TMEM132C: variants seen among roughly 807,000 people sequenced by gnomAD.
TMEM132C encodes the protein transmembrane protein 132C.
TMEM132C carries 29 observed loss-of-function variants against 61.4 expected under a neutral mutation model. The ratio of observed to expected loss-of-function variants is 0.47; its 90% CI spans 0.35 to 0.64. The LOEUF (loss-of-function observed/expected upper bound fraction) is 0.64. Ranked by LOEUF, TMEM132C falls within the 30% of genes least tolerant of loss-of-function variation. The pLI is 0.00. For synonymous variants in TMEM132C, 656 were observed against 633.1 expected (o/e 1.04, Z -0.54); for missense variants, 1,408 against 1,476.9 (o/e 0.95, Z 0.76).
chr12:128,478,294 AT>A (rs975663121), intron 2 of TMEM132C, among the ~76,000 whole-genome samples: 5 of 152,058 alleles, frequency 3.3e-5, no homozygotes, highest in African/African-American at 1.2e-4. Context: ...TTGTTTTTTT[AT>A]TTTTTTATTT....
chr12:128,649,332 G>T (rs1954243924), intron 4 of TMEM132C, among the ~76,000 whole-genome samples: 3 of 152,354 alleles, frequency 2.0e-5, no homozygotes, highest in Admixed American at 2.0e-4. Context: ...AGGGAGGGAG[G>T]AAGCAGAGAG....
chr12:128,489,412 G>A (rs1871628944), intron 2 of TMEM132C, among the ~76,000 whole-genome samples: 1 of 151,724 alleles, frequency 6.6e-6, no homozygotes, highest in South Asian at 2.1e-4. Flanking sequence ...AGCTGCTGTA[G>A]CACAGAGCGT....
intron 3 of TMEM132C, among the ~76,000 whole-genome samples, chr12:128,567,673 C>G (rs1469806377): frequency 1.3e-5 from 2 of 152,054 alleles, no homozygotes; most frequent in African/African-American, 2.4e-5. Flanking sequence ...TCTTTCTGCT[C>G]TCCTCCACTG....
intron 2 of TMEM132C, among the ~76,000 whole-genome samples, chr12:128,508,833 G>A (rs550826036): frequency 4.6e-5 from 7 of 152,194 alleles, no homozygotes; most frequent in Non-Finnish European, 1.0e-4. Flanking sequence ...TGGCATGAGG[G>A]TCATCATATC....
intron 2 of TMEM132C, among the ~76,000 whole-genome samples, chr12:128,429,454 G>C (rs61940008): frequency 0.16 from 23,678 of 152,166 alleles, 1,931 homozygotes; most frequent in Middle Eastern, 0.18. Context: ...GTGCTTCTCT[G>C]TGGATCACGA....
rs751359860 is a variant in TMEM132C, at chr12:128,616,140, T to C, written c.1122-12T>C. 6.5e-7 allele frequency: 1 copy of C among 1,548,996 alleles called. No individual in the cohort carries two copies. Reference sequence around the variant, plus strand: ...AAGTTGGCTTAAAGCCAGTTTCTTTTCTCTCTTCCAGGAGCAGCAGTTTAT... The same window carrying C: ...AAGTTGGCTTAAAGCCAGTTTCTTTCCTCTCTTCCAGGAGCAGCAGTTTAT... On this transcript the variant is annotated splice_polypyrimidine_tract_variant and intron_variant, in intron 3 of 8. Coordinates refer to ENST00000435159, the MANE Select transcript of TMEM132C (RefSeq NM_001136103.3).
chr12:128,573,399 CA>C (rs1369996780), intron 3 of TMEM132C, among the ~76,000 whole-genome samples: 1 of 150,996 alleles, frequency 6.6e-6, no homozygotes, highest in Non-Finnish European at 1.5e-5. Flanking sequence ...GGGAATTGAA[CA>C]ATGAGAACAC....
At chr12:128,346,505 A>G (rs1593019422) in intron 1 of TMEM132C, among the ~76,000 whole-genome samples, 1 of 152,350 alleles carries the variant, frequency 6.6e-6, no homozygotes, top group African/African-American at 2.4e-5. Flanking sequence ...CAGTATGGCC[A>G]TTTTAACAAT....
In TMEM132C at chr12:128,680,858, T is replaced by C. The variant is rs144068578; in HGVS notation, c.1449+11298T>C. 5.4e-3 allele frequency among the ~76,000 whole-genome samples: 819 copies of C among 152,342 alleles called. 5 individuals carry two copies. Among genetic ancestry groups the C allele is most frequent in the Non-Finnish European group, 8.4e-3 (573 of 68,034 alleles). ...TGAGTCAGATTTTACTTGAGCCAAA[T>C]AGGGCTCCATGTGAGTGCACTTAAA... is the stretch of plus-strand genomic sequence containing the variant. On this transcript the variant is annotated intron_variant, in intron 5 of 8. Transcript: ENST00000435159.
intron 4 of TMEM132C, among the ~76,000 whole-genome samples, chr12:128,622,360 A>AAAAAAAAATATATATATATATAT (rs1277080166): frequency 3.3e-5 from 1 of 30,116 alleles, no homozygotes; most frequent in African/African-American, 1.7e-4. Context: ...AAAAAAAAAA[A>AAAAAAAAATATATATATATATAT]ATATATATAT....
At chr12:128,654,951 C>G (rs942788081) in intron 4 of TMEM132C, among the ~76,000 whole-genome samples, 3 of 152,168 alleles carry the variant, frequency 2.0e-5, no homozygotes, top group Admixed American at 6.5e-5. Flanking sequence ...CTCCTCTGTC[C>G]CCTGCCCTGC....
chr12:128,593,672 G>A (rs1875840942), intron 3 of TMEM132C, among the ~76,000 whole-genome samples: 1 of 152,174 alleles, frequency 6.6e-6, no homozygotes, highest in South Asian at 2.1e-4. Context: ...GTGAGCTGAG[G>A]CACATTCGAC....
At chr12:128,577,228 G>T (rs1875144487) in intron 3 of TMEM132C, among the ~76,000 whole-genome samples, 1 of 152,122 alleles carries the variant, frequency 6.6e-6, no homozygotes, top group Non-Finnish European at 1.5e-5. Context: ...TGTTTTCATG[G>T]TTTATTCATA....
At chr12:128,359,297 G>A (rs1294122545) in intron 1 of TMEM132C, among the ~76,000 whole-genome samples, 1 of 152,198 alleles carries the variant, frequency 6.6e-6, no homozygotes, top group East Asian at 1.9e-4. Context: ...GAAGAGCAAG[G>A]GACGTCTTAC....
At chr12:128,282,629 A>T (rs1275931801) in intron 1 of TMEM132C, among the ~76,000 whole-genome samples, 1 of 152,178 alleles carries the variant, frequency 6.6e-6, no homozygotes, top group Admixed American at 6.5e-5. Context: ...TTGGGTGGGG[A>T]CACAGAGCCA....
At chr12:128,400,381 G>A (rs955190495) in intron 1 of TMEM132C, among the ~76,000 whole-genome samples, 15 of 152,300 alleles carry the variant, frequency 9.8e-5, no homozygotes, top group African/African-American at 3.4e-4. Context: ...GCTTAAGAGT[G>A]AGGGACCTTC....
intron 1 of TMEM132C, among the ~76,000 whole-genome samples, chr12:128,411,534 G>C (rs1868547784): frequency 6.6e-6 from 1 of 151,984 alleles, no homozygotes; most frequent in Non-Finnish European, 1.5e-5. Context: ...TGCATCCTTT[G>C]GACATATTCT....
chr12:128,620,780 A>G (rs1953956767), intron 4 of TMEM132C, among the ~76,000 whole-genome samples: 1 of 151,912 alleles, frequency 6.6e-6, no homozygotes, highest in South Asian at 2.1e-4. Context: ...CCCCTAAAAC[A>G]TGACAGTAAC....
chr12:128,652,812 G>A (rs765235607), intron 4 of TMEM132C, among the ~76,000 whole-genome samples: 19 of 152,170 alleles, frequency 1.2e-4, no homozygotes, highest in Non-Finnish European at 2.4e-4. Flanking sequence ...ATAAATCCAC[G>A]GGATTATTCT....
Sources: gnomAD v4.1 joint callset for allele counts (sites outside exome capture counted in the v4.1 genomes callset) on GRCh38, gnomAD v4.1.1 for gene constraint, MANE v1.5 for transcripts, NCBI Gene and HGNC (gene_info 2026-07-23, HGNC 2026-07-21) for gene names.